SH3BGR: variants seen among roughly 807,000 people sequenced by gnomAD.
SH3BGR encodes the protein SH3 domain binding glutamate rich protein.
Under a neutral mutation model 24.5 loss-of-function variants are expected in SH3BGR, and 29 were observed. The ratio of observed to expected loss-of-function variants is 1.18; its 90% CI spans 0.88 to 1.61. The LOEUF (loss-of-function observed/expected upper bound fraction) is 1.61. Among genes scored for constraint, SH3BGR ranks in the 40% most tolerant of loss-of-function variants. SH3BGR has a pLI of 0.00. For missense variants in SH3BGR, 162 were observed against 205.8 expected, an observed-to-expected ratio of 0.79 and a Z score of 1.30; for synonymous variants, 55 against 65.7, an observed-to-expected ratio of 0.84 and a Z score of 0.79.
intron 3 of SH3BGR, among the ~76,000 whole-genome samples, chr21:39,478,498 G>T (rs1722873): frequency 7.9e-5 from 12 of 152,184 alleles, no homozygotes; most frequent in Non-Finnish European, 1.0e-4. Context: ...TGAGGTAGCT[G>T]GTAGAGGTCT....
intron 3 of SH3BGR, among the ~76,000 whole-genome samples, chr21:39,496,166 T>G (rs2078390418): frequency 6.6e-6 from 1 of 152,200 alleles, no homozygotes; most frequent in Non-Finnish European, 1.5e-5. Flanking sequence ...TAATAATGTG[T>G]AATAAGTCTT....
intron 1 of SH3BGR, among the ~76,000 whole-genome samples, chr21:39,459,525 TTTTC>T (rs954845432): frequency 6.7e-6 from 1 of 148,948 alleles, no homozygotes. Flanking sequence ...GCCTGGGCCT[TTTTC>T]TTTCTTTCTT....
upstream of SH3BGR, among the ~76,000 whole-genome samples, chr21:39,451,364 C>G (rs2077571706): frequency 6.6e-6 from 1 of 152,176 alleles, no homozygotes; most frequent in African/African-American, 2.4e-5. Context: ...GGCTATTTCC[C>G]TACCTCCCTG....
intron 3 of SH3BGR, among the ~76,000 whole-genome samples, chr21:39,495,442 C>CCTTG (rs1321217883): frequency 6.6e-5 from 10 of 151,752 alleles, no homozygotes; most frequent in African/African-American, 2.4e-4. Flanking sequence ...TTCAGTTGTA[C>CCTTG]CAAGATCAAT....
intron 3 of SH3BGR, among the ~76,000 whole-genome samples, chr21:39,479,244 G>GTGGTGGTGGTGGTGC (rs2078083793): frequency 3.0e-5 from 4 of 134,284 alleles, no homozygotes; most frequent in South Asian, 4.3e-4. Flanking sequence ...GGTGGTGGTG[G>GTGGTGGTGGTGGTGC]TGGTGGTGGT....
chr21:39,508,145 A>G (rs75016880), intron 4 of SH3BGR, among the ~76,000 whole-genome samples: 13,006 of 152,218 alleles, frequency 0.085, 807 homozygotes, highest in African/African-American at 0.17. Flanking sequence ...GCAAGATCAC[A>G]TTCAGTGCCC....
At chr21:39,500,982 T>C (rs967102879) in intron 4 of SH3BGR, among the ~76,000 whole-genome samples, 4 of 152,224 alleles carry the variant, frequency 2.6e-5, no homozygotes, top group Non-Finnish European at 4.4e-5. Context: ...GAAGTTTTTG[T>C]TTTAAAGAAA....
At chr21:39,474,924 C>T (rs1315619025) in intron 2 of SH3BGR, among the ~76,000 whole-genome samples, 2 of 151,810 alleles carry the variant, frequency 1.3e-5, no homozygotes, top group African/African-American at 4.8e-5. Flanking sequence ...CTGTGGTATA[C>T]AAGCACAATG....
chr21:39,464,512 C>T (rs536321826), intron 2 of SH3BGR, among the ~76,000 whole-genome samples: 4 of 152,266 alleles, frequency 2.6e-5, no homozygotes, highest in East Asian at 1.9e-4. Context: ...TGTAAGCCAC[C>T]GCGCCCGGCC....
upstream of SH3BGR, among the ~76,000 whole-genome samples, chr21:39,448,739 G>A (rs964496313): frequency 6.6e-6 from 1 of 152,172 alleles, no homozygotes; most frequent in Non-Finnish European, 1.5e-5. Context: ...TGAGGGGTTA[G>A]TTACGTATTT....
chr21:39,476,631 A>G (rs1173949620), intron 3 of SH3BGR, among the ~76,000 whole-genome samples: 2 of 152,080 alleles, frequency 1.3e-5, no homozygotes, highest in African/African-American at 4.8e-5. Context: ...TATGTTCTGG[A>G]AAGTTCCCCC....
rs57047000 is a variant in SH3BGR at position 39,473,994 on chromosome 21, G to T, written c.232-1141G>T. Among the ~76,000 whole-genome samples the T allele has an allele frequency of 2.8e-3, 430 of 152,230 alleles. 1 individual carries two copies. Among genetic ancestry groups the T allele is most frequent in the African/African-American group, 1.0e-2 (415 of 41,546 alleles). ...TTTGTGGGTTTTTTTGTGAGTCAGG[G>T]TGTTGCTCTGTTTCCCAGGCTAGAG... On this transcript the variant is annotated intron_variant, in intron 2 of 6. Coordinates refer to ENST00000333634, the MANE Select transcript of SH3BGR (RefSeq NM_007341.3).
chr21:39,500,000 C>A, intron 4 of SH3BGR, 85 bp downstream of exon 4: 3 of 953,730 alleles, frequency 3.1e-6, no homozygotes, highest in African/African-American at 1.6e-5. Context: ...TGACTCTGGG[C>A]ACAAGCAGTC....
chr21:39,473,754 A>T (rs900760727), intron 2 of SH3BGR, among the ~76,000 whole-genome samples: 2 of 151,880 alleles, frequency 1.3e-5, no homozygotes, highest in Non-Finnish European at 2.9e-5. Context: ...GCATGATGGC[A>T]TGCACCTGTA....
chr21:39,474,293 A>C (rs983414728), intron 2 of SH3BGR, among the ~76,000 whole-genome samples: 3 of 152,072 alleles, frequency 2.0e-5, no homozygotes, highest in Non-Finnish European at 2.9e-5. Flanking sequence ...ACATACACTA[A>C]GAGTAGGGTA....
At chr21:39,462,917 T>C (rs901439578) in intron 2 of SH3BGR, among the ~76,000 whole-genome samples, 5 of 152,252 alleles carry the variant, frequency 3.3e-5, no homozygotes, top group Non-Finnish European at 5.9e-5. Flanking sequence ...GTAAGTTTTC[T>C]CTGTCACCCA....
At chr21:39,488,723 A>G in intron 3 of SH3BGR, 1 of 459,564 alleles carries the variant, frequency 2.2e-6, no homozygotes, top group South Asian at 1.8e-5. Context: ...GCAGAAGTAG[A>G]GATGCTGGCG....
At chr21:39,510,946 T>TATATATAC (rs1296625247) in intron 5 of SH3BGR, among the ~76,000 whole-genome samples, 2 of 139,586 alleles carry the variant, frequency 1.4e-5, no homozygotes, top group African/African-American at 5.2e-5. Flanking sequence ...TATATATATA[T>TATATATAC]ACTTTCTGAA....
At chr21:39,489,752 G>T (rs548201152) in intron 3 of SH3BGR, among the ~76,000 whole-genome samples, 42 of 152,292 alleles carry the variant, frequency 2.8e-4, no homozygotes, top group Non-Finnish European at 5.3e-4. Context: ...AGTATGCCAG[G>T]GCTACATTTG....
Sources: allele counts gnomAD v4.1 joint callset (sites outside exome capture counted in the v4.1 genomes callset), GRCh38; gene constraint gnomAD v4.1.1; transcripts MANE v1.5; gene names NCBI Gene and HGNC (gene_info 2026-07-23, HGNC 2026-07-21).